The following C5AR2 variants were observed in gnomAD, a reference collection of about 807,000 sequenced individuals.
C5AR2 encodes complement C5a receptor 2.
For missense variants in C5AR2, 458 were observed against 467.5 expected (o/e 0.98, Z 0.19); for synonymous variants, 224 against 216.5 (o/e 1.03, Z -0.30).
At position 47,340,965 on chromosome 19, in the gene C5AR2, G is replaced by A. The variant is rs537921479; in HGVS notation, c.166G>A (p.Val56Met). The change falls in exon 2 of 2, where the codon GTG (valine) becomes ATG (methionine). Residue 56 changes from valine (V) to methionine (M), a missense_variant. By Grantham distance (21) the Val-to-Met change is conservative (BLOSUM62 1). Transcript: ENST00000595464. ...FLVGVPGNAMVAWVAGKVARR... is the reference protein window; with the variant it reads ...FLVGVPGNAMMAWVAGKVARR... Reference sequence around the variant, plus strand: ...GGTGGGGGTGCCGGGCAATGCCATGGTGGCCTGGGTGGCTGGGAAGGTGGC... The same window carrying A: ...GGTGGGGGTGCCGGGCAATGCCATGATGGCCTGGGTGGCTGGGAAGGTGGC... The A allele has an allele frequency of 1.2e-6, 2 of 1,611,350 alleles. No homozygotes were observed. The highest frequency in any genetic ancestry group is 1.1e-5 in the South Asian group (1 of 91,076).
chr19:47,346,032 G>T lies in C5AR2; in HGVS notation c.*4219G>T, dbSNP rs577648150. The T allele has an allele frequency of 1.3e-5, 2 of 152,020 alleles. No individual in the cohort carries two copies. Among genetic ancestry groups the T allele is most frequent in the East Asian group, 3.9e-4 (2 of 5,178 alleles). The allele number at this position is 152,020 out of a possible 1,614,324, so 9.4% of individuals were successfully genotyped here. A position where few individuals can be genotyped will look rare whatever the true frequency, so the allele number is the denominator to read the frequency against. On this transcript the variant is annotated 3_prime_UTR_variant, in exon 2 of 2. Coordinates refer to ENST00000595464, the MANE Select transcript of C5AR2 (RefSeq NM_001271749.2). ...CTCCCGAGTAGCTGGGACTACAGGC[G>T]CATGCCACCATGCCCAGCTAATATT...
Position 47,332,576 on chromosome 19 carries a change from T to C in C5AR2, c.-16+227T>C, listed in dbSNP as rs570283299. 9.2e-5 allele frequency among the ~76,000 whole-genome samples: 14 copies of C among 152,282 alleles called. No homozygotes were observed. In the South Asian group the frequency reaches 1.9e-3, roughly 20 times the overall value. ...AGGATCTAAGCATTTTTTTTCTTTC[T>C]CTTTTTGGAGACAGGTTTTCATTCT... On this transcript the variant is annotated intron_variant, in intron 1 of 1. Transcript: ENST00000595464.
chr19:47,340,119 T>C (rs964939659), intron 1 of C5AR2, among the ~76,000 whole-genome samples: 1 of 151,832 alleles, frequency 6.6e-6, no homozygotes, highest in Non-Finnish European at 1.5e-5. Flanking sequence ...CATGCCTGGC[T>C]ATGTTTTAAA....
chr19:47,343,954 C>G lies in C5AR2; in HGVS notation c.*2141C>G, dbSNP rs966307881. 1 of 152,170 alleles carries G rather than the reference C, an allele frequency of 6.6e-6. No homozygotes were observed. The highest frequency in any genetic ancestry group is 1.5e-5 in the Non-Finnish European group (1 of 68,038). The allele number at this position is 152,170 out of a possible 1,614,324, so 9.4% of individuals were successfully genotyped here. A position where few individuals can be genotyped will look rare whatever the true frequency, so the allele number is the denominator to read the frequency against. On this transcript the variant is annotated 3_prime_UTR_variant, in exon 2 of 2. Transcript: ENST00000595464. ...GGCTGGTGACTGCCATATTCGACAG[C>G]ACAGCTATAGAACATTGCCATCATA... is the stretch of plus-strand genomic sequence containing the variant.
Position 47,340,888 on chromosome 19 carries a change from C to A in C5AR2, c.89C>A (p.Ala30Asp). ...PVDCLDGACL[A>D]IDPLRVAPLP... ...GACTGCCTGGATGGCGCCTGCCTGG[C>A]CATCGACCCGCTGCGCGTGGCCCCG... The change falls in exon 2 of 2, where the codon GCC (alanine) becomes GAC (aspartate). Residue 30 changes from alanine (A) to aspartate (D), a missense_variant. By Grantham distance (126) the Ala-to-Asp change is moderately radical. Transcript: ENST00000595464. 6.2e-7 allele frequency: 1 copy of A among 1,613,320 alleles called. No individual in the cohort carries two copies. The highest frequency in any genetic ancestry group is 8.5e-7 in the Non-Finnish European group (1 of 1,179,972).
chr19:47,334,117 G>A (rs1283927245), intron 1 of C5AR2, among the ~76,000 whole-genome samples: 11 of 152,212 alleles, frequency 7.2e-5, no homozygotes, highest in East Asian at 3.9e-4. Context: ...GGGACACAGC[G>A]GCACCCGAGG....
In C5AR2 at chr19:47,343,797, C is replaced by CT. The variant is rs1568388708; in HGVS notation, c.*1984_*1985insT. The CT allele has an allele frequency of 6.6e-6, 1 of 151,440 alleles. No homozygotes were observed. Among genetic ancestry groups the CT allele is most frequent in the African/African-American group, 2.4e-5 (1 of 41,126 alleles). The allele number at this position is 151,440 out of a possible 1,614,324, so 9.4% of individuals were successfully genotyped here. A position where few individuals can be genotyped will look rare whatever the true frequency, so the allele number is the denominator to read the frequency against. The stretch of plus-strand genomic sequence containing the variant: ...AGTTTGCAGTGAGCTTAGATCACAC[C>CT]GCTGCACTCCAGCCTGGATGTCAGA... On this transcript the variant is annotated 3_prime_UTR_variant, in exon 2 of 2. Coordinates refer to ENST00000595464, the MANE Select transcript of C5AR2 (RefSeq NM_001271749.2).
At chr19:47,334,170 G>T (rs552851102) in intron 1 of C5AR2, among the ~76,000 whole-genome samples, 1 of 152,196 alleles carries the variant, frequency 6.6e-6, no homozygotes, top group South Asian at 2.1e-4. Flanking sequence ...TGATAATATT[G>T]ACCTCAAGGG....
At position 47,332,257 on chromosome 19, in the gene C5AR2, G is replaced by C. The variant is rs1050168666; in HGVS notation, c.-108G>C. 2.6e-5 allele frequency: 4 copies of C among 152,250 alleles called. No homozygotes were observed. Among genetic ancestry groups the C allele is most frequent in the African/African-American group, 7.2e-5 (3 of 41,448 alleles). 9.4% of individuals were successfully genotyped at this position (152,250 alleles called of 1,614,324 possible). On this transcript the variant is annotated 5_prime_UTR_variant, in exon 1 of 2. Coordinates refer to ENST00000595464, the MANE Select transcript of C5AR2 (RefSeq NM_001271749.2). ...TCTACCAGCTGCCAGACACGGCAGG[G>C]AGAGACCCCAGACCTCCTGGGTCCT... is the stretch of plus-strand genomic sequence containing the variant.
rs1969049268 is a variant in C5AR2 at position 47,342,131 on chromosome 19, G to A, written c.*318G>A. Reference sequence around the variant, plus strand: ...GGGCTTTGGGAGGCTGAGGCAGGTAGATCACTTGAGGTCAGGACTTCAAGA... The same window carrying A: ...GGGCTTTGGGAGGCTGAGGCAGGTAAATCACTTGAGGTCAGGACTTCAAGA... On this transcript the variant is annotated 3_prime_UTR_variant, in exon 2 of 2. Coordinates refer to ENST00000595464, the MANE Select transcript of C5AR2 (RefSeq NM_001271749.2). 3.8e-6 allele frequency: 1 copy of A among 261,504 alleles called. No individual in the cohort carries two copies. The highest frequency in any genetic ancestry group is 5.2e-5 in the South Asian group (1 of 19,188). 16.2% of individuals were successfully genotyped at this position (261,504 alleles called of 1,614,324 possible). A position where few individuals can be genotyped will look rare whatever the true frequency, so the allele number is the denominator to read the frequency against.
intron 1 of C5AR2, among the ~76,000 whole-genome samples, chr19:47,337,824 AC>A (rs2059364213): frequency 6.6e-6 from 1 of 152,168 alleles, no homozygotes; most frequent in African/African-American, 2.4e-5. Context: ...TAATCCTAGC[AC>A]TTTGGGAGGC....
intron 1 of C5AR2, among the ~76,000 whole-genome samples, chr19:47,334,193 G>T (rs2059349079): frequency 6.6e-6 from 1 of 152,056 alleles, no homozygotes; most frequent in African/African-American, 2.4e-5. Context: ...TGTGTTGAGG[G>T]TTATATCTTG....
intron 1 of C5AR2, among the ~76,000 whole-genome samples, chr19:47,337,944 C>T (rs1450768712): frequency 6.6e-6 from 1 of 151,300 alleles, no homozygotes; most frequent in Non-Finnish European, 1.5e-5. Context: ...CATGGTGGTG[C>T]ACGCCTGTAA....
chr19:47,333,963 C>T (rs1310643638), intron 1 of C5AR2, among the ~76,000 whole-genome samples: 2 of 152,140 alleles, frequency 1.3e-5, no homozygotes, highest in Admixed American at 6.6e-5. Context: ...CACCAAGAGG[C>T]ACATGTGAGG....
intron 1 of C5AR2, among the ~76,000 whole-genome samples, chr19:47,333,744 A>G (rs891452663): frequency 6.6e-6 from 1 of 151,808 alleles, no homozygotes; most frequent in Non-Finnish European, 1.5e-5. Flanking sequence ...GCGCCCAGCT[A>G]ATTTTTTGTA....
chr19:47,338,446 T>TA lies in C5AR2; in HGVS notation c.-15-2324dup, dbSNP rs11316034. On this transcript the variant is annotated intron_variant, in intron 1 of 1. Coordinates refer to ENST00000595464, the MANE Select transcript of C5AR2 (RefSeq NM_001271749.2). ...TGAGTGACAGAGCAATATCTGTCCC[T>TA]AAAAAAAAAAAAAAAGTTGACACAA... Among the ~76,000 whole-genome samples, 5 of 144,704 alleles carry TA rather than the reference T, an allele frequency of 3.5e-5. 1 individual carries two copies. The highest frequency in any genetic ancestry group is 2.0e-4 in the East Asian group (1 of 5,054). 94.9% of individuals were successfully genotyped at this position (144,704 alleles called of 152,430 possible).
intron 1 of C5AR2, chr19:47,337,055 G>T (rs567257658): frequency 7.0e-6 from 1 of 142,884 alleles, no homozygotes. Flanking sequence ...CATTGTGGGG[G>T]TGGGGGGGTG....
Position 47,342,435 on chromosome 19 carries a change from T to C in C5AR2, c.*622T>C, listed in dbSNP as rs1244190578. On this transcript the variant is annotated 3_prime_UTR_variant, in exon 2 of 2. Coordinates refer to ENST00000595464, the MANE Select transcript of C5AR2 (RefSeq NM_001271749.2). ...TCTCGCTCTGTCGCCCAGGCTGGAG[T>C]GCAGTGGCACAATCTCGGCTCACTG... The C allele has an allele frequency of 6.6e-6, 1 of 151,076 alleles. No individual in the cohort carries two copies. 9.4% of individuals were successfully genotyped at this position (151,076 alleles called of 1,614,324 possible). A position where few individuals can be genotyped will look rare whatever the true frequency, so the allele number is the denominator to read the frequency against.
At position 47,333,376 on chromosome 19, in the gene C5AR2, T is replaced by A. The variant is rs1219654555; in HGVS notation, c.-16+1027T>A. On this transcript the variant is annotated intron_variant, in intron 1 of 1. Transcript: ENST00000595464. ...TTGTTCATTCTCATCGTGTAGAATA[T>A]TCCACAGGGTGAACACCCCATGATG... Among the ~76,000 whole-genome samples the A allele has an allele frequency of 1.3e-5, 2 of 152,168 alleles. 1 individual carries two copies. The highest frequency in any genetic ancestry group is 1.3e-4 in the Admixed American group (2 of 15,252).
Sources: gnomAD v4.1 joint callset for allele counts (sites outside exome capture counted in the v4.1 genomes callset) on GRCh38, gnomAD v4.1.1 for gene constraint, MANE v1.5 for transcripts, NCBI Gene and HGNC (gene_info 2026-07-23, HGNC 2026-07-21) for gene names.